The following DACH1 variants were observed in gnomAD, a reference collection of about 807,000 sequenced individuals.
DACH1 encodes the protein dachshund homolog 1.
In DACH1, 12 loss-of-function variants were observed where a neutral mutation model predicts 54.2. That is an observed-to-expected ratio of 0.22 (90% CI 0.14 to 0.36). The LOEUF is 0.36. DACH1 is among the 10% of genes least tolerant of loss of function. The pLI, the probability that DACH1 is intolerant of heterozygous loss-of-function variation, is 1.00. For synonymous variants in DACH1, 386 were observed against 366.2 expected (o/e 1.05, Z -0.62); for missense variants, 805 against 929.8 (o/e 0.87, Z 1.75).
intron 6 of DACH1, among the ~76,000 whole-genome samples, chr13:71,541,794 T>C (rs1009531534): frequency 6.6e-6 from 1 of 152,094 alleles, no homozygotes; most frequent in Admixed American, 6.6e-5. Flanking sequence ...TCAATTATAT[T>C]AATTTTAAGG....
chr13:71,648,200 C>T lies in DACH1; in HGVS notation c.965-17483G>A, dbSNP rs532937887. ...ATATATGACAATAAAATGTGGACACCAAAAAACTGGTCATCTTTGAGCTAT... is the reference window on the plus strand; with the variant it reads ...ATATATGACAATAAAATGTGGACACTAAAAAACTGGTCATCTTTGAGCTAT... On this transcript the variant is annotated intron_variant, in intron 2 of 10. Transcript: ENST00000613252. Among the ~76,000 whole-genome samples, 9 of 152,100 alleles carry T rather than the reference C, an allele frequency of 5.9e-5. No homozygotes were observed. In the East Asian group the frequency reaches 1.4e-3, roughly 23 times the overall value.
intron 1 of DACH1, among the ~76,000 whole-genome samples, chr13:71,864,710 T>C (rs1482849557): frequency 6.6e-6 from 1 of 151,996 alleles, no homozygotes; most frequent in African/African-American, 2.4e-5. Flanking sequence ...GGTGGAATGA[T>C]CATCTCTACC....
At chr13:71,610,871 GT>G (rs1323922185) in intron 3 of DACH1, among the ~76,000 whole-genome samples, 1 of 152,120 alleles carries the variant, frequency 6.6e-6, no homozygotes, top group Non-Finnish European at 1.5e-5. Context: ...CTTTGGGGAA[GT>G]TTTTAATTCT....
chr13:71,631,355 T>C (rs1479271511), intron 2 of DACH1, among the ~76,000 whole-genome samples: 2 of 152,154 alleles, frequency 1.3e-5, no homozygotes, highest in African/African-American at 2.4e-5. Flanking sequence ...TGGTCTGTTC[T>C]TCTCCCCCTG....
intron 3 of DACH1, among the ~76,000 whole-genome samples, chr13:71,609,350 T>TTCAG (rs1875128927): frequency 6.6e-6 from 1 of 152,244 alleles, no homozygotes; most frequent in African/African-American, 2.4e-5. Context: ...CCGCGTGTGT[T>TTCAG]TCACAATGAT....
intron 1 of DACH1, 58 bp downstream of exon 1, chr13:71,865,864 A>C (rs897498407): frequency 6.8e-7 from 1 of 1,470,712 alleles, no homozygotes; most frequent in Non-Finnish European, 9.0e-7. Context: ...GAGCGAGGGC[A>C]GGCGAGCAGG....
chr13:71,604,600 A>G (rs1874741149), intron 3 of DACH1, among the ~76,000 whole-genome samples: 1 of 151,970 alleles, frequency 6.6e-6, no homozygotes, highest in Non-Finnish European at 1.5e-5. Flanking sequence ...AAAACTAATG[A>G]AGGTGACATA....
chr13:71,536,829 C>T (rs1320864245), intron 6 of DACH1, among the ~76,000 whole-genome samples: 1 of 152,086 alleles, frequency 6.6e-6, no homozygotes, highest in Non-Finnish European at 1.5e-5. Flanking sequence ...ATCCGCTCAA[C>T]ACCACTTCAA....
At chr13:71,702,726 G>A (rs771454955) in intron 1 of DACH1, among the ~76,000 whole-genome samples, 1 of 152,020 alleles carries the variant, frequency 6.6e-6, no homozygotes, top group Non-Finnish European at 1.5e-5. Context: ...GCCAAATCGA[G>A]AGTTAATTTT....
chr13:71,501,540 G>C (rs1879915601), intron 6 of DACH1, among the ~76,000 whole-genome samples: 1 of 152,140 alleles, frequency 6.6e-6, no homozygotes, highest in African/African-American at 2.4e-5. Context: ...CTGGAAGAAG[G>C]GAAGAAATTG....
chr13:71,547,678 C>T (rs189196570), intron 6 of DACH1, among the ~76,000 whole-genome samples: 27 of 152,146 alleles, frequency 1.8e-4, no homozygotes, highest in African/African-American at 6.5e-4. Flanking sequence ...AGCAGGTGGG[C>T]AATATCTCCT....
chr13:71,638,180 T>C (rs1333099893), intron 2 of DACH1, among the ~76,000 whole-genome samples: 2 of 152,224 alleles, frequency 1.3e-5, no homozygotes, highest in African/African-American at 4.8e-5. Flanking sequence ...ATGGTAGTTA[T>C]TATTTTGGAA....
intron 1 of DACH1, among the ~76,000 whole-genome samples, chr13:71,849,844 A>AT (rs1478337440): frequency 6.6e-6 from 1 of 152,172 alleles, no homozygotes; most frequent in Non-Finnish European, 1.5e-5. Flanking sequence ...TCTAGCAGGT[A>AT]TTTTTTGTTT....
chr13:71,729,122 C>T (rs114535233), intron 1 of DACH1, among the ~76,000 whole-genome samples: 53 of 152,012 alleles, frequency 3.5e-4, no homozygotes, highest in African/African-American at 1.3e-3. Flanking sequence ...GAGAGCTTCA[C>T]CTGGGGCACT....
intron 1 of DACH1, among the ~76,000 whole-genome samples, chr13:71,788,066 A>G (rs533115701): frequency 6.6e-6 from 1 of 152,288 alleles, no homozygotes; most frequent in African/African-American, 2.4e-5. Flanking sequence ...TAAACACACT[A>G]TGTGTGTATG....
intron 2 of DACH1, among the ~76,000 whole-genome samples, chr13:71,637,109 TG>T (rs942556956): frequency 2.0e-5 from 3 of 152,102 alleles, no homozygotes; most frequent in Non-Finnish European, 4.4e-5. Flanking sequence ...ATACAGTGGC[TG>T]GGGGGAGAGA....
chr13:71,526,706 G>A (rs199972387), intron 6 of DACH1, among the ~76,000 whole-genome samples: 3 of 144,250 alleles, frequency 2.1e-5, no homozygotes, highest in Admixed American at 7.0e-5. Context: ...ATGTGTGTGT[G>A]TATATATATA....
intron 2 of DACH1, among the ~76,000 whole-genome samples, chr13:71,631,021 T>A (rs1877062032): frequency 6.6e-6 from 1 of 152,162 alleles, no homozygotes; most frequent in Non-Finnish European, 1.5e-5. Context: ...AAATATGTCT[T>A]TTCCTGCTTA....
chr13:71,754,942 T>G (rs7316958), intron 1 of DACH1, among the ~76,000 whole-genome samples: 12,091 of 152,176 alleles, frequency 0.079, 947 homozygotes, highest in East Asian at 0.26. Context: ...ATCCAGGAGA[T>G]GGGCAAAAAG....
Sources: allele counts gnomAD v4.1 joint callset (sites outside exome capture counted in the v4.1 genomes callset), GRCh38; gene constraint gnomAD v4.1.1; transcripts MANE v1.5; gene names NCBI Gene and HGNC (gene_info 2026-07-23, HGNC 2026-07-21).